Variants in KIAA1328 observed in about 807,000 individuals in gnomAD.
The protein encoded by KIAA1328 is protein hinderin.
In KIAA1328, 52 loss-of-function variants were observed where a neutral mutation model predicts 68.1. The ratio of observed to expected loss-of-function variants is 0.76; its 90% confidence interval spans 0.61 to 0.96. KIAA1328 has a LOEUF of 0.96. Among genes scored for constraint, KIAA1328 ranks in the 40% least tolerant of loss-of-function variants. The pLI is 0.00. For synonymous variants in KIAA1328, 232 were observed against 239.4 expected, an observed-to-expected ratio of 0.97 and a Z score of 0.28; for missense variants, 641 against 677.6, an observed-to-expected ratio of 0.95 and a Z score of 0.60.
At chr18:37,098,029 T>C (rs2151856102) in intron 7 of KIAA1328, among the ~76,000 whole-genome samples, 1 of 152,304 alleles carries the variant, frequency 6.6e-6, no homozygotes, top group South Asian at 2.1e-4. Flanking sequence ...ACAGGGACAA[T>C]TTGACTTCCT....
chr18:37,003,996 G>C (rs138555707), intron 6 of KIAA1328, among the ~76,000 whole-genome samples: 52 of 152,218 alleles, frequency 3.4e-4, no homozygotes, highest in African/African-American at 1.2e-3. Context: ...TGGCCCTATA[G>C]TATAGTTTGA....
chr18:36,864,405 C>T (rs2047673649), intron 4 of KIAA1328, among the ~76,000 whole-genome samples: 1 of 151,592 alleles, frequency 6.6e-6, no homozygotes, highest in Admixed American at 6.6e-5. Flanking sequence ...GGGTTCACGC[C>T]ATTCTCCTGC....
intron 5 of KIAA1328, among the ~76,000 whole-genome samples, chr18:36,913,089 C>T (rs1043024801): frequency 5.9e-5 from 9 of 152,106 alleles, no homozygotes; most frequent in Non-Finnish European, 1.2e-4. Context: ...TGTGGCTGAG[C>T]AGTTTCATCA....
intron 6 of KIAA1328, among the ~76,000 whole-genome samples, chr18:36,984,592 G>C (rs569111835): frequency 1.9e-4 from 29 of 152,092 alleles, no homozygotes; most frequent in Non-Finnish European, 4.0e-4. Flanking sequence ...AAATATTGCT[G>C]TGTGAAGTTA....
At chr18:37,168,419 A>G (rs1473117340) in intron 8 of KIAA1328, among the ~76,000 whole-genome samples, 1 of 152,248 alleles carries the variant, frequency 6.6e-6, no homozygotes, top group Non-Finnish European at 1.5e-5. Flanking sequence ...AGCATCTGCC[A>G]CAGCAGCATT....
intron 6 of KIAA1328, among the ~76,000 whole-genome samples, chr18:37,048,116 T>G (rs926632906): frequency 6.6e-6 from 1 of 152,226 alleles, no homozygotes; most frequent in Non-Finnish European, 1.5e-5. Flanking sequence ...ATCCTTTCTT[T>G]TCCCATTTGG....
At chr18:37,174,866 T>C (rs1366928378) in intron 9 of KIAA1328, among the ~76,000 whole-genome samples, 13 of 152,148 alleles carry the variant, frequency 8.5e-5, no homozygotes, top group Admixed American at 8.5e-4. Context: ...AGGGACAGGC[T>C]TTTACCATGT....
intron 7 of KIAA1328, among the ~76,000 whole-genome samples, chr18:37,077,623 C>T (rs537913038): frequency 1.3e-5 from 2 of 151,694 alleles, no homozygotes; most frequent in African/African-American, 2.4e-5. Context: ...TGATAAGCAA[C>T]TTCAGCAAAG....
At chr18:36,889,787 A>G (rs2048620611) in intron 5 of KIAA1328, among the ~76,000 whole-genome samples, 2 of 152,196 alleles carry the variant, frequency 1.3e-5, no homozygotes, top group African/African-American at 4.8e-5. Context: ...TGAGATGACT[A>G]ACCCAGGTTT....
chr18:36,969,861 C>T (rs2052107414), intron 6 of KIAA1328, among the ~76,000 whole-genome samples: 1 of 152,058 alleles, frequency 6.6e-6, no homozygotes, highest in African/African-American at 2.4e-5. Context: ...AGATTCACAG[C>T]TGAATTCTAC....
chr18:36,955,559 C>T (rs977195978), intron 5 of KIAA1328, among the ~76,000 whole-genome samples: 92 of 151,702 alleles, frequency 6.1e-4, no homozygotes, highest in African/African-American at 1.9e-3. Flanking sequence ...CTGTCCACCT[C>T]GGCCTCCCAA....
chr18:36,962,594 A>G (rs1202274312), intron 6 of KIAA1328, among the ~76,000 whole-genome samples: 1 of 152,216 alleles, frequency 6.6e-6, no homozygotes, highest in Non-Finnish European at 1.5e-5. Context: ...CAGCAAATGT[A>G]ACAGAACAGA....
intron 9 of KIAA1328, chr18:37,193,793 G>A: frequency 1.7e-6 from 1 of 602,634 alleles, no homozygotes; most frequent in Non-Finnish European, 2.9e-6. Flanking sequence ...CAAATTCATA[G>A]GGTATATTTT....
At chr18:36,962,833 A>G (rs778937333) in intron 6 of KIAA1328, among the ~76,000 whole-genome samples, 6 of 152,208 alleles carry the variant, frequency 3.9e-5, no homozygotes, top group Non-Finnish European at 5.9e-5. Context: ...GTAGAGGGAA[A>G]TTTATAGCAC....
At chr18:37,070,073 A>G (rs910887296) in intron 7 of KIAA1328, among the ~76,000 whole-genome samples, 2 of 151,946 alleles carry the variant, frequency 1.3e-5, no homozygotes, top group African/African-American at 2.4e-5. Flanking sequence ...GAAACTTCCT[A>G]TTTGACCCAT....
chr18:36,853,430 T>C (rs549801666), intron 4 of KIAA1328, among the ~76,000 whole-genome samples: 22 of 152,040 alleles, frequency 1.4e-4, no homozygotes, highest in Admixed American at 7.9e-4. Flanking sequence ...TAATGTATCA[T>C]TTTCATTCCC....
intron 9 of KIAA1328, among the ~76,000 whole-genome samples, chr18:37,211,630 G>A (rs1483347230): frequency 6.6e-6 from 1 of 152,156 alleles, no homozygotes; most frequent in African/African-American, 2.4e-5. Flanking sequence ...ACTGTATTAA[G>A]CCATTGGAAT....
intron 6 of KIAA1328, among the ~76,000 whole-genome samples, chr18:37,021,896 T>A (rs1159546757): frequency 1.3e-5 from 2 of 151,804 alleles, no homozygotes; most frequent in Non-Finnish European, 2.9e-5. Flanking sequence ...AAAAATTAGC[T>A]GGACATGGTG....
intron 9 of KIAA1328, among the ~76,000 whole-genome samples, chr18:37,175,497 G>A (rs1198276657): frequency 6.6e-6 from 1 of 151,808 alleles, no homozygotes; most frequent in Non-Finnish European, 1.5e-5. Flanking sequence ...CCTATGTAAC[G>A]AGCATTTGGC....
Sources: gnomAD v4.1 joint callset for allele counts (sites outside exome capture counted in the v4.1 genomes callset) on GRCh38, gnomAD v4.1.1 for gene constraint, MANE v1.5 for transcripts, NCBI Gene and HGNC (gene_info 2026-07-23, HGNC 2026-07-21) for gene names.